Variants in CSGALNACT1 observed in about 807,000 individuals in gnomAD.
CSGALNACT1 encodes the protein beta4GalNAcT-1.
In CSGALNACT1, 52 loss-of-function variants were observed where a neutral mutation model predicts 51.0. That is an observed-to-expected ratio of 1.02 (90% CI 0.82 to 1.29). The LOEUF is 1.29. Among genes scored for constraint, CSGALNACT1 ranks in the 50% most tolerant of loss-of-function variants. The pLI is 0.00. For missense variants in CSGALNACT1, 935 were observed against 679.2 expected (o/e 1.38, Z -4.19); for synonymous variants, 341 against 254.4 (o/e 1.34, Z -3.24).
At chr8:19,516,799 G>A (rs2079611186) in intron 3 of CSGALNACT1, among the ~76,000 whole-genome samples, 1 of 152,210 alleles carries the variant, frequency 6.6e-6, no homozygotes, top group African/African-American at 2.4e-5. Context: ...CATGATGGGA[G>A]CCCCCAGGAG....
intron 6 of CSGALNACT1, among the ~76,000 whole-genome samples, chr8:19,433,609 G>C (rs1207000264): frequency 6.6e-6 from 1 of 152,194 alleles, no homozygotes; most frequent in African/African-American, 2.4e-5. Flanking sequence ...TCTGAGTCAG[G>C]TCAAATAAAG....
chr8:19,458,174 T>C (rs2064537373), intron 5 of CSGALNACT1, among the ~76,000 whole-genome samples: 2 of 152,160 alleles, frequency 1.3e-5, no homozygotes, highest in South Asian at 2.1e-4. Flanking sequence ...TCAGTCATCT[T>C]TGTAGATCCT....
intron 4 of CSGALNACT1, among the ~76,000 whole-genome samples, chr8:19,483,201 C>G (rs2071932162): frequency 6.6e-6 from 1 of 152,138 alleles, no homozygotes; most frequent in Non-Finnish European, 1.5e-5. Context: ...AGGCTGAGTC[C>G]CTCCAATACA....
chr8:19,415,079 T>C (rs2056606514), intron 8 of CSGALNACT1, among the ~76,000 whole-genome samples: 1 of 152,154 alleles, frequency 6.6e-6, no homozygotes, highest in African/African-American at 2.4e-5. Flanking sequence ...CCTAAGCAAA[T>C]CTCTTGCCTC....
At chr8:19,742,779 G>C (rs2064394211) in intron 1 of CSGALNACT1, among the ~76,000 whole-genome samples, 1 of 152,200 alleles carries the variant, frequency 6.6e-6, no homozygotes, top group Non-Finnish European at 1.5e-5. Flanking sequence ...TATCTGTGAA[G>C]GGTCTGGAAA....
chr8:19,756,124 G>A (rs2065357345), intron 1 of CSGALNACT1, among the ~76,000 whole-genome samples: 1 of 152,088 alleles, frequency 6.6e-6, no homozygotes, highest in Non-Finnish European at 1.5e-5. Flanking sequence ...ACTGCACAGG[G>A]CTTATTAATG....
intron 1 of CSGALNACT1, among the ~76,000 whole-genome samples, chr8:19,733,222 A>G (rs1266549464): frequency 6.6e-6 from 1 of 152,196 alleles, no homozygotes; most frequent in Non-Finnish European, 1.5e-5. Flanking sequence ...CAGAAATATG[A>G]GTTAAATAAG....
chr8:19,457,468 C>A, intron 5 of CSGALNACT1: 2 of 371,444 alleles, frequency 5.4e-6, no homozygotes, highest in Non-Finnish European at 5.2e-6. Context: ...CAAAAATTAG[C>A]CGGGCATGGT....
At chr8:19,473,423 C>T (rs2068668252) in intron 4 of CSGALNACT1, among the ~76,000 whole-genome samples, 1 of 152,150 alleles carries the variant, frequency 6.6e-6, no homozygotes. Flanking sequence ...CACCATCCGC[C>T]GTCACTAACA....
chr8:19,737,578 G>A (rs2064059980), intron 1 of CSGALNACT1, among the ~76,000 whole-genome samples: 1 of 151,142 alleles, frequency 6.6e-6, no homozygotes, highest in African/African-American at 2.4e-5. Flanking sequence ...TTCCAAACCA[G>A]TAGAAGAAAA....
intron 1 of CSGALNACT1, among the ~76,000 whole-genome samples, chr8:19,665,942 C>T (rs1255731566): frequency 6.6e-6 from 1 of 152,172 alleles, no homozygotes; most frequent in African/African-American, 2.4e-5. Flanking sequence ...TGTCGATTTT[C>T]CAGGCTTCTT....
intron 6 of CSGALNACT1, among the ~76,000 whole-genome samples, chr8:19,427,165 G>A (rs766612743): frequency 6.6e-6 from 1 of 152,104 alleles, no homozygotes; most frequent in African/African-American, 2.4e-5. Flanking sequence ...AGTTTCTTTA[G>A]GAACTTCATT....
chr8:19,498,633 A>C (rs1390492491), intron 4 of CSGALNACT1, among the ~76,000 whole-genome samples: 1 of 151,928 alleles, frequency 6.6e-6, no homozygotes, highest in Non-Finnish European at 1.5e-5. Context: ...CAACTCACAC[A>C]GAACACATGT....
chr8:19,556,006 C>G (rs550399081), intron 3 of CSGALNACT1, among the ~76,000 whole-genome samples: 1 of 152,030 alleles, frequency 6.6e-6, no homozygotes, highest in Non-Finnish European at 1.5e-5. Context: ...TGTTTTTTTA[C>G]CCTCGAAGAT....
intron 1 of CSGALNACT1, among the ~76,000 whole-genome samples, chr8:19,709,885 T>G (rs1026026599): frequency 6.6e-6 from 1 of 152,126 alleles, no homozygotes; most frequent in Non-Finnish European, 1.5e-5. Context: ...ACTGAGTGCC[T>G]TCCACTCCTA....
At chr8:19,455,980 G>T (rs936997640) in intron 5 of CSGALNACT1, among the ~76,000 whole-genome samples, 7 of 152,152 alleles carry the variant, frequency 4.6e-5, no homozygotes, top group Admixed American at 3.3e-4. Context: ...CCACGAGCAA[G>T]GGACATCCAA....
intron 1 of CSGALNACT1, among the ~76,000 whole-genome samples, chr8:19,695,417 G>T (rs1035149045): frequency 6.6e-6 from 1 of 152,082 alleles, no homozygotes; most frequent in East Asian, 1.9e-4. Context: ...TTAGCTGTGC[G>T]GCCAGAGTGC....
chr8:19,611,815 G>A (rs1452697775), intron 1 of CSGALNACT1, among the ~76,000 whole-genome samples: 1 of 152,082 alleles, frequency 6.6e-6, no homozygotes, highest in Non-Finnish European at 1.5e-5. Flanking sequence ...TGGAAGGCAA[G>A]GGGAATTATG....
intron 1 of CSGALNACT1, among the ~76,000 whole-genome samples, chr8:19,723,879 G>C (rs2063258899): frequency 6.6e-6 from 1 of 152,088 alleles, no homozygotes; most frequent in Non-Finnish European, 1.5e-5. Context: ...CTGACCTATA[G>C]TTCCCTGCTT....
Sources: gnomAD v4.1 joint callset for allele counts (sites outside exome capture counted in the v4.1 genomes callset) on GRCh38, gnomAD v4.1.1 for gene constraint, MANE v1.5 for transcripts, NCBI Gene and HGNC (gene_info 2026-07-23, HGNC 2026-07-21) for gene names.